Variants in NAALADL2 observed in about 807,000 individuals in gnomAD.
NAALADL2 encodes inactive N-acetylated-alpha-linked acidic dipeptidase-like protein 2.
In NAALADL2, 76 loss-of-function variants were observed where a neutral mutation model predicts 87.2. The observed-to-expected ratio is 0.87, with a 90% CI of 0.72 to 1.05. The LOEUF (loss-of-function observed/expected upper bound fraction) is 1.05. Among genes scored for constraint, NAALADL2 ranks in the 50% least tolerant of loss-of-function variants. The pLI is 0.00. For synonymous variants in NAALADL2, 354 were observed against 331.0 expected (o/e 1.07, Z -0.75); for missense variants, 1,089 against 945.8 (o/e 1.15, Z -1.99).
intron 13 of NAALADL2, among the ~76,000 whole-genome samples, chr3:175,789,339 A>AGACTCTTTTGTAT (rs1752500461): frequency 6.6e-6 from 1 of 152,184 alleles, no homozygotes; most frequent in Non-Finnish European, 1.5e-5. Context: ...ATTAAAATGT[A>AGACTCTTTTGTAT]GACTCTTTTG....
At chr3:175,021,152 A>T (rs1751502691) in intron 1 of NAALADL2, among the ~76,000 whole-genome samples, 1 of 151,966 alleles carries the variant, frequency 6.6e-6, no homozygotes, top group Non-Finnish European at 1.5e-5. Context: ...AAGAGGAAAA[A>T]GTTGTGAAGG....
chr3:174,993,086 G>GA (rs1015710711), intron 1 of NAALADL2, among the ~76,000 whole-genome samples: 1 of 151,880 alleles, frequency 6.6e-6, no homozygotes, highest in Non-Finnish European at 1.5e-5. Flanking sequence ...CCTACCTATA[G>GA]AAAAATCAAT....
chr3:175,488,814 C>T (rs528731594), intron 9 of NAALADL2, among the ~76,000 whole-genome samples: 3 of 152,276 alleles, frequency 2.0e-5, no homozygotes, highest in South Asian at 4.1e-4. Context: ...CCAGGACATC[C>T]CCGGCTTGAC....
intron 5 of NAALADL2, among the ~76,000 whole-genome samples, chr3:175,419,714 T>C (rs1345894799): frequency 4.0e-5 from 6 of 151,884 alleles, no homozygotes; most frequent in African/African-American, 1.5e-4. Context: ...GACCTAGATA[T>C]AAGTATTTAA....
chr3:175,176,398 C>G (rs1003547418), intron 2 of NAALADL2, among the ~76,000 whole-genome samples: 1 of 151,912 alleles, frequency 6.6e-6, no homozygotes, highest in African/African-American at 2.4e-5. Context: ...AGGCCCTAGC[C>G]CTTTAGTAGG....
At chr3:175,723,688 A>G (rs752193848) in intron 11 of NAALADL2, among the ~76,000 whole-genome samples, 1 of 152,094 alleles carries the variant, frequency 6.6e-6, no homozygotes, top group Non-Finnish European at 1.5e-5. Flanking sequence ...TCTCCTTTAC[A>G]TGGAGCTTGT....
chr3:174,844,952 C>A (rs1244858787), intron 3 of NAALADL2, among the ~76,000 whole-genome samples: 1 of 145,144 alleles, frequency 6.9e-6, no homozygotes, highest in African/African-American at 2.6e-5. Context: ...GCTCTCTCTG[C>A]AGGTGGGGAA....
At chr3:175,366,288 T>A (rs1221047251) in intron 5 of NAALADL2, among the ~76,000 whole-genome samples, 7 of 151,428 alleles carry the variant, frequency 4.6e-5, no homozygotes, top group African/African-American at 1.7e-4. Flanking sequence ...TTCCAAGTCT[T>A]TGCTATTGTG....
At chr3:174,885,370 C>G (rs958956667) in intron 1 of NAALADL2, among the ~76,000 whole-genome samples, 1 of 152,114 alleles carries the variant, frequency 6.6e-6, no homozygotes, top group African/African-American at 2.4e-5. Context: ...GGAGAAGAAT[C>G]GCTGAGTTCA....
At chr3:175,241,214 T>A (rs533023102) in intron 3 of NAALADL2, among the ~76,000 whole-genome samples, 18 of 152,068 alleles carry the variant, frequency 1.2e-4, no homozygotes, top group Middle Eastern at 6.8e-3. Context: ...TTTCATTTTT[T>A]AAAAAAAATT....
intron 3 of NAALADL2, among the ~76,000 whole-genome samples, chr3:174,776,115 A>C (rs1715181659): frequency 6.6e-6 from 1 of 152,122 alleles, no homozygotes; most frequent in South Asian, 2.1e-4. Flanking sequence ...GGAACTCAAT[A>C]AATGTTGTTG....
chr3:175,037,458 C>T (rs1580138704), intron 1 of NAALADL2, among the ~76,000 whole-genome samples: 2 of 152,234 alleles, frequency 1.3e-5, no homozygotes, highest in East Asian at 3.9e-4. Flanking sequence ...CATCTCCTCA[C>T]AAGCCTCCCA....
At chr3:174,472,720 A>G (rs1716979471) in intron 1 of NAALADL2, among the ~76,000 whole-genome samples, 1 of 152,060 alleles carries the variant, frequency 6.6e-6, no homozygotes, top group Non-Finnish European at 1.5e-5. Context: ...TTTACAGTCA[A>G]ATTTGAGTAT....
intron 3 of NAALADL2, among the ~76,000 whole-genome samples, chr3:174,783,219 A>T (rs1452002212): frequency 6.6e-6 from 1 of 152,184 alleles, no homozygotes; most frequent in Non-Finnish European, 1.5e-5. Context: ...TGGAAAATAT[A>T]GTTTGTGTGA....
chr3:174,746,926 A>G (rs749961964), intron 3 of NAALADL2, among the ~76,000 whole-genome samples: 6 of 152,108 alleles, frequency 3.9e-5, no homozygotes, highest in Non-Finnish European at 7.4e-5. Context: ...CAAACATTAA[A>G]CTCAAGATGG....
chr3:174,572,024 C>T (rs74759416), intron 2 of NAALADL2, among the ~76,000 whole-genome samples: 2,994 of 152,190 alleles, frequency 0.02, 104 homozygotes, highest in African/African-American at 0.067. Flanking sequence ...GGTAGAATAA[C>T]CTTGATAGCA....
intron 1 of NAALADL2, among the ~76,000 whole-genome samples, chr3:174,862,571 C>G (rs1209388206): frequency 1.3e-5 from 2 of 152,052 alleles, no homozygotes; most frequent in Non-Finnish European, 2.9e-5. Context: ...CTCCTGCTAC[C>G]TCAGGAATCC....
chr3:175,274,503 T>C (rs9880400), intron 4 of NAALADL2, among the ~76,000 whole-genome samples: 11,679 of 152,278 alleles, frequency 0.077, 1,457 homozygotes, highest in African/African-American at 0.27. Context: ...TAGTGAGCTA[T>C]GTGCACTTCT....
intron 2 of NAALADL2, among the ~76,000 whole-genome samples, chr3:174,636,599 A>G (rs1488157667): frequency 6.6e-6 from 1 of 152,180 alleles, no homozygotes; most frequent in Non-Finnish European, 1.5e-5. Context: ...GAAAACCACA[A>G]TGAGATATCA....
Sources: allele counts gnomAD v4.1 joint callset (sites outside exome capture counted in the v4.1 genomes callset), GRCh38; gene constraint gnomAD v4.1.1; transcripts MANE v1.5; gene names NCBI Gene and HGNC (gene_info 2026-07-23, HGNC 2026-07-21).